RNFT2: variants seen among roughly 807,000 people sequenced by gnomAD.
RNFT2 encodes the protein ring finger protein, transmembrane 2, also known as E3 ubiquitin-protein ligase RNFT2.
A neutral mutation model predicts 53.0 loss-of-function variants in RNFT2; 36 were observed. That is an observed-to-expected ratio of 0.68 (90% CI 0.52 to 0.90). The LOEUF (loss-of-function observed/expected upper bound fraction) is 0.90. RNFT2 is among the 40% of genes least tolerant of loss of function. The pLI, the probability that RNFT2 is intolerant of heterozygous loss-of-function variation, is 0.00. For synonymous variants in RNFT2, 260 were observed against 253.2 expected (o/e 1.03, Z -0.26); for missense variants, 514 against 585.6 (o/e 0.88, Z 1.26).
chr12:116,842,763 G>A (rs974996017), intron 10 of RNFT2, among the ~76,000 whole-genome samples: 5 of 152,058 alleles, frequency 3.3e-5, no homozygotes, highest in Non-Finnish European at 4.4e-5. Flanking sequence ...TAGTAGGGAC[G>A]GGGTTTCGCC....
intron 6 of RNFT2, among the ~76,000 whole-genome samples, chr12:116,772,743 T>C (rs749305045): frequency 3.9e-5 from 6 of 152,230 alleles, no homozygotes; most frequent in Non-Finnish European, 7.3e-5. Flanking sequence ...GTGGAAGTTG[T>C]AGTGTGCAGA....
chr12:116,742,900 T>C (rs61443846), intron 3 of RNFT2, among the ~76,000 whole-genome samples: 6,959 of 151,228 alleles, frequency 0.046, 214 homozygotes, highest in African/African-American at 0.081. Context: ...CTGGGCAAAA[T>C]AGGGAGACCC....
intron 7 of RNFT2, among the ~76,000 whole-genome samples, chr12:116,825,282 C>G (rs1876269225): frequency 1.3e-5 from 2 of 152,160 alleles, no homozygotes; most frequent in Non-Finnish European, 2.9e-5. Context: ...GGAGAACAAG[C>G]AAAAGGAAGG....
chr12:116,797,008 A>G (rs923200262), intron 7 of RNFT2, among the ~76,000 whole-genome samples: 7 of 152,194 alleles, frequency 4.6e-5, no homozygotes, highest in Non-Finnish European at 7.4e-5. Flanking sequence ...GACAGAGACC[A>G]GGGGTGCTGC....
At chr12:116,769,707 C>G (rs1358064473) in intron 6 of RNFT2, among the ~76,000 whole-genome samples, 2 of 152,006 alleles carry the variant, frequency 1.3e-5, no homozygotes, top group Non-Finnish European at 2.9e-5. Context: ...AAGCTAAGGT[C>G]AATTTATGAT....
At chr12:116,787,781 A>T (rs936166766) in intron 7 of RNFT2, among the ~76,000 whole-genome samples, 5 of 151,718 alleles carry the variant, frequency 3.3e-5, no homozygotes, top group Non-Finnish European at 7.4e-5. Context: ...CCTAGAGAGG[A>T]GGCAGGTGAG....
intron 4 of RNFT2, among the ~76,000 whole-genome samples, chr12:116,753,026 A>G (rs550160000): frequency 7.2e-5 from 11 of 152,198 alleles, no homozygotes; most frequent in South Asian, 2.1e-4. Flanking sequence ...AGAAAATTCA[A>G]TTCCGTTCTG....
chr12:116,768,770 G>T (rs569113292), intron 6 of RNFT2, among the ~76,000 whole-genome samples: 66 of 138,952 alleles, frequency 4.7e-4, no homozygotes, highest in African/African-American at 1.4e-3. Flanking sequence ...TGCCCTTGTC[G>T]CCCAGGCTGG....
rs1176252232 is a variant in RNFT2 at position 116,741,062 on chromosome 12, C to T, written c.51C>T (p.His17=). The T allele has an allele frequency of 6.2e-7, 1 of 1,611,076 alleles. No individual in the cohort carries two copies. The highest frequency in any genetic ancestry group is 8.5e-7 in the Non-Finnish European group (1 of 1,178,646). Residue 17 remains histidine, a synonymous_variant, in exon 3 of 11, where the codon CAC becomes CAT. Transcript: ENST00000257575. ...NQVLRKMQRR[H]SSNTDNIPPE... is the part of the protein sequence containing the mutation. ...TGTTAAGGAAGATGCAGAGACGCCA[C>T]AGCAGCAACACGGATAACATTCCAC...
chr12:116,839,960 C>G (rs1044117915), intron 10 of RNFT2, among the ~76,000 whole-genome samples: 7 of 152,148 alleles, frequency 4.6e-5, no homozygotes, highest in African/African-American at 1.7e-4. Context: ...ACACTCTGCT[C>G]AGGAGCACAC....
At chr12:116,740,988 C>T (rs367865575) in intron 2 of RNFT2, 48 bp from the exon 3 acceptor site, 9 of 1,521,396 alleles carry the variant, frequency 5.9e-6, no homozygotes, top group Non-Finnish European at 8.1e-6. Flanking sequence ...ATCTGACAGG[C>T]AGTGGGAGTG....
rs1043487464 is a variant in RNFT2, at chr12:116,810,548, C to T, written c.883-23244C>T. Among the ~76,000 whole-genome samples, 9 of 152,244 alleles carry T rather than the reference C, an allele frequency of 5.9e-5. No individual in the cohort carries two copies. The South Asian group carries it at 1.5e-3, about 25-fold the overall frequency. On this transcript the variant is annotated intron_variant, in intron 7 of 10. Transcript: ENST00000257575. ...GGTTGGTATGAATTTGCTCACAGGG[C>T]AAAGCAGGGAGACTCACGTTCTTGG...
At chr12:116,784,172 G>A (rs1315055680) in intron 7 of RNFT2, among the ~76,000 whole-genome samples, 2 of 152,164 alleles carry the variant, frequency 1.3e-5, no homozygotes, top group Admixed American at 1.3e-4. Flanking sequence ...TTACTGCACG[G>A]GGCATTGTAC....
At position 116,797,965 on chromosome 12, in the gene RNFT2, T is replaced by C. The variant is rs540164665; in HGVS notation, c.882+18617T>C. Among the ~76,000 whole-genome samples the C allele has an allele frequency of 2.6e-5, 4 of 152,302 alleles. No homozygotes were observed. In the South Asian group the frequency reaches 6.2e-4, roughly 24 times the overall value. ...AACTAACATGGCATACTGTTGGGCA[T>C]GGCTTATGGAAAGCTGCCTCCACCC... On this transcript the variant is annotated intron_variant, in intron 7 of 10. Coordinates refer to ENST00000257575, the MANE Select transcript of RNFT2 (RefSeq NM_001382266.1).
intron 7 of RNFT2, among the ~76,000 whole-genome samples, chr12:116,828,775 G>A (rs1876482030): frequency 6.6e-6 from 1 of 152,066 alleles, no homozygotes; most frequent in South Asian, 2.1e-4. Flanking sequence ...CAGATGGGTG[G>A]AAGAAAGAAA....
chr12:116,751,093 T>C (rs1359856207), intron 4 of RNFT2, among the ~76,000 whole-genome samples: 1 of 150,566 alleles, frequency 6.6e-6, no homozygotes, highest in Admixed American at 6.7e-5. Context: ...TTTTAAATTT[T>C]TTCATAGAGT....
chr12:116,796,368 T>C (rs1874507500), intron 7 of RNFT2, among the ~76,000 whole-genome samples: 2 of 152,204 alleles, frequency 1.3e-5, no homozygotes, highest in Admixed American at 1.3e-4. Context: ...CTTGCCATCT[T>C]TTCCATGAGG....
At chr12:116,799,581 T>G (rs886885549) in intron 7 of RNFT2, among the ~76,000 whole-genome samples, 1 of 152,100 alleles carries the variant, frequency 6.6e-6, no homozygotes, top group Non-Finnish European at 1.5e-5. Flanking sequence ...TTAGCTGTGT[T>G]TTTTTTTAAC....
In RNFT2 at chr12:116,743,247, G is replaced by GAAAAAAAAA. The variant is rs1566066807; in HGVS notation, c.83+2153_83+2154insAAAAAAAAA. On this transcript the variant is annotated intron_variant, in intron 3 of 10. Coordinates refer to ENST00000257575, the MANE Select transcript of RNFT2 (RefSeq NM_001382266.1). ...AAAAAAAAAAAAAAAAAAAAAAACC[G>GAAAAAAAAA]GTTAAAAAACACTCATGAGCTAGAA... 2.6e-4 allele frequency among the ~76,000 whole-genome samples: 16 copies of GAAAAAAAAA among 61,572 alleles called. 2 individuals carry two copies. The highest frequency in any genetic ancestry group is 4.8e-4 in the African/African-American group (9 of 18,596). The allele number at this position is 61,572 out of a possible 152,430, so 40.4% of individuals were successfully genotyped here.
Sources: gnomAD v4.1 joint callset for allele counts (sites outside exome capture counted in the v4.1 genomes callset) on GRCh38, gnomAD v4.1.1 for gene constraint, MANE v1.5 for transcripts, NCBI Gene and HGNC (gene_info 2026-07-23, HGNC 2026-07-21) for gene names.